The following GABRA2 variants were observed in gnomAD, a reference collection of about 807,000 sequenced individuals.
GABRA2 encodes the protein gamma-aminobutyric acid receptor subunit alpha-2.
GABRA2 carries 16 observed loss-of-function variants against 48.7 expected under a neutral mutation model. The ratio of observed to expected loss-of-function variants is 0.33; its 90% CI spans 0.22 to 0.50. GABRA2 has a LOEUF of 0.50. GABRA2 is among the 20% of genes least tolerant of loss of function. The probability of loss-of-function intolerance (pLI) is 0.98; values close to 1 mark genes in which losing one functional copy is unlikely to be tolerated. For synonymous variants in GABRA2, 185 were observed against 184.5 expected (o/e 1.00, Z -0.02); for missense variants, 275 against 535.6 (o/e 0.51, Z 4.80).
At chr4:46,258,924 A>C (rs941785099) in intron 9 of GABRA2, among the ~76,000 whole-genome samples, 1 of 151,918 alleles carries the variant, frequency 6.6e-6, no homozygotes, top group Non-Finnish European at 1.5e-5. Context: ...GAAAGTGATA[A>C]GATAACATTG....
At chr4:46,368,922 G>T (rs1560590058) in intron 3 of GABRA2, 1 of 688,502 alleles carries the variant, frequency 1.5e-6, no homozygotes, top group Non-Finnish European at 2.7e-6. Context: ...TATTTGTTCT[G>T]CCCATGGAGA....
intron 3 of GABRA2, among the ~76,000 whole-genome samples, chr4:46,380,369 T>A (rs1332222042): frequency 6.6e-6 from 1 of 152,230 alleles, no homozygotes; most frequent in East Asian, 1.9e-4. Flanking sequence ...TCTTTAAAGC[T>A]GGATCCTGTA....
At chr4:46,389,170 T>C in intron 1 of GABRA2, 1 of 988,592 alleles carries the variant, frequency 1.0e-6, no homozygotes, top group Non-Finnish European at 1.2e-6. Flanking sequence ...CAAGACCACC[T>C]CCGCAACCAC....
intron 6 of GABRA2, among the ~76,000 whole-genome samples, chr4:46,309,427 A>G (rs2109669930): frequency 6.6e-6 from 1 of 152,232 alleles, no homozygotes; most frequent in Non-Finnish European, 1.5e-5. Flanking sequence ...GTCTCTAAAA[A>G]GGTCAGGCAA....
chr4:46,306,508 T>C (rs1331537981), intron 6 of GABRA2, among the ~76,000 whole-genome samples: 1 of 152,170 alleles, frequency 6.6e-6, no homozygotes, highest in Admixed American at 6.5e-5. Flanking sequence ...TTCTTACATC[T>C]CTATGCCCCA....
At chr4:46,307,439 A>C (rs2109656651) in intron 6 of GABRA2, among the ~76,000 whole-genome samples, 1 of 122,222 alleles carries the variant, frequency 8.2e-6, no homozygotes, top group South Asian at 2.3e-4. Flanking sequence ...TAAATTATGA[A>C]GTTTTTTTTT....
intron 8 of GABRA2, among the ~76,000 whole-genome samples, chr4:46,284,658 A>G (rs937849781): frequency 6.6e-6 from 1 of 152,172 alleles, no homozygotes; most frequent in Non-Finnish European, 1.5e-5. Flanking sequence ...CAAGGCATAC[A>G]CATTCTAATT....
chr4:46,287,420 A>G (rs1480829323), intron 8 of GABRA2, among the ~76,000 whole-genome samples: 1 of 151,950 alleles, frequency 6.6e-6, no homozygotes, highest in Non-Finnish European at 1.5e-5. Flanking sequence ...AAAATGTGGC[A>G]CATATACACC....
chr4:46,265,022 T>TAGAGAG (rs143456622), intron 8 of GABRA2, among the ~76,000 whole-genome samples: 3 of 135,560 alleles, frequency 2.2e-5, no homozygotes, highest in Admixed American at 1.5e-4. Flanking sequence ...GAGAGAGAGA[T>TAGAGAG]AGAGAGAGAG....
At chr4:46,342,462 A>T (rs1421779423) in intron 3 of GABRA2, among the ~76,000 whole-genome samples, 1 of 152,012 alleles carries the variant, frequency 6.6e-6, no homozygotes, top group African/African-American at 2.4e-5. Flanking sequence ...GTGGCCTTAT[A>T]TTCATGACCC....
At chr4:46,359,630 T>C (rs1712828516) in intron 3 of GABRA2, among the ~76,000 whole-genome samples, 1 of 152,182 alleles carries the variant, frequency 6.6e-6, no homozygotes, top group Non-Finnish European at 1.5e-5. Context: ...TTCATAGTCA[T>C]TTTTATTTTT....
chr4:46,351,136 G>A (rs1445484735), intron 3 of GABRA2, among the ~76,000 whole-genome samples: 18 of 23,484 alleles, frequency 7.7e-4, no homozygotes, highest in Admixed American at 5.5e-3. Flanking sequence ...AAGGAAGACG[G>A]GGGGCTATTA....
At chr4:46,371,643 G>A (rs1714909371) in intron 3 of GABRA2, among the ~76,000 whole-genome samples, 1 of 151,898 alleles carries the variant, frequency 6.6e-6, no homozygotes, top group Non-Finnish European at 1.5e-5. Context: ...AGTCATGACT[G>A]GATAGAGAAA....
intron 3 of GABRA2, among the ~76,000 whole-genome samples, chr4:46,378,345 AT>A (rs1372638003): frequency 1.3e-5 from 2 of 151,928 alleles, no homozygotes; most frequent in African/African-American, 2.4e-5. Context: ...GATCCTGTTG[AT>A]CTGTGACCTT....
intron 8 of GABRA2, among the ~76,000 whole-genome samples, chr4:46,299,808 A>G (rs1206054217): frequency 4.0e-5 from 6 of 151,498 alleles, no homozygotes; most frequent in African/African-American, 1.5e-4. Flanking sequence ...CCCTTAAAGG[A>G]CAGTCATGAC....
chr4:46,350,743 T>TA (rs564084864), intron 3 of GABRA2, among the ~76,000 whole-genome samples: 6 of 151,780 alleles, frequency 4.0e-5, no homozygotes, highest in South Asian at 2.1e-4. Flanking sequence ...AAAAAAGAAT[T>TA]AAAAAAAATT....
rs1553928580 is a variant in GABRA2, at chr4:46,389,802, G to GGGGAGAGAGAGAGAGAGAGAGA, written c.-79_-78insTCTCTCTCTCTCTCTCTCTCCC. On this transcript the variant is annotated 5_prime_UTR_variant, in exon 1 of 10. Transcript: ENST00000381620. ...TGATCTTGACGAGATAGGAAACTTG[G>GGGGAGAGAGAGAGAGAGAGAGA]GAGAGAGAGAGAGAGAGAGAGAGAG... The GGGGAGAGAGAGAGAGAGAGAGA allele has an allele frequency of 1.5e-5, 4 of 268,258 alleles. No individual in the cohort carries two copies. The highest frequency in any genetic ancestry group is 1.7e-5 in the Non-Finnish European group (4 of 234,002). 16.6% of individuals were successfully genotyped at this position (268,258 alleles called of 1,614,324 possible). A position where few individuals can be genotyped will look rare whatever the true frequency, so the allele number is the denominator to read the frequency against.
intron 3 of GABRA2, among the ~76,000 whole-genome samples, chr4:46,351,943 T>A (rs889960634): frequency 6.6e-6 from 1 of 151,092 alleles, no homozygotes; most frequent in Non-Finnish European, 1.5e-5. Context: ...AACTTATAAG[T>A]TGATACATTT....
At chr4:46,268,684 T>C (rs947736264) in intron 8 of GABRA2, among the ~76,000 whole-genome samples, 1 of 151,942 alleles carries the variant, frequency 6.6e-6, no homozygotes, top group African/African-American at 2.4e-5. Context: ...ATCCCACTTC[T>C]GGGAATTTAC....
Sources: gnomAD v4.1 joint callset for allele counts (sites outside exome capture counted in the v4.1 genomes callset) on GRCh38, gnomAD v4.1.1 for gene constraint, MANE v1.5 for transcripts, NCBI Gene and HGNC (gene_info 2026-07-23, HGNC 2026-07-21) for gene names.